The following NFATC2 variants were observed in gnomAD, a reference collection of about 807,000 sequenced individuals.
NFATC2 encodes nuclear factor of activated T cells 2.
A neutral mutation model predicts 87.3 loss-of-function variants in NFATC2; 22 were observed. The observed-to-expected ratio is 0.25, with a 90% CI of 0.18 to 0.36. The LOEUF (loss-of-function observed/expected upper bound fraction) is 0.36. Among genes scored for constraint, NFATC2 ranks in the 10% least tolerant of loss-of-function variants. The probability of loss-of-function intolerance (pLI) is 1.00; values close to 1 mark genes in which losing one functional copy is unlikely to be tolerated. For missense variants in NFATC2, 1,149 were observed against 1,259.1 expected, an observed-to-expected ratio of 0.91 and a Z score of 1.32; for synonymous variants, 565 against 542.2, an observed-to-expected ratio of 1.04 and a Z score of -0.58.
chr20:51,517,413 A>G (rs2076369470), intron 2 of NFATC2, among the ~76,000 whole-genome samples: 1 of 151,890 alleles, frequency 6.6e-6, no homozygotes, highest in African/African-American at 2.4e-5. Context: ...ACACGGAGAG[A>G]CCCTGTCTCT....
chr20:51,398,293 T>C (rs1555866085), intron 10 of NFATC2, among the ~76,000 whole-genome samples: 1 of 152,060 alleles, frequency 6.6e-6, no homozygotes, highest in Non-Finnish European at 1.5e-5. Flanking sequence ...CCACCACGGA[T>C]GGAGAGCCTC....
intron 9 of NFATC2, among the ~76,000 whole-genome samples, chr20:51,406,080 A>G (rs1303248439): frequency 6.6e-6 from 1 of 152,114 alleles, no homozygotes; most frequent in African/African-American, 2.4e-5. Context: ...CCCAGCCTAC[A>G]TATATATGTT....
intron 6 of NFATC2, among the ~76,000 whole-genome samples, chr20:51,435,989 C>T (rs1983507119): frequency 6.6e-6 from 1 of 152,086 alleles, no homozygotes; most frequent in East Asian, 1.9e-4. Flanking sequence ...TTGTCCTAAG[C>T]AAATTAAGGC....
At position 51,435,295 on chromosome 20, in the gene NFATC2, A is replaced by G; in HGVS notation, c.1925T>C (p.Ile642Thr). 1 of 1,614,164 alleles carries G rather than the reference A, an allele frequency of 6.2e-7. No individual in the cohort carries two copies. Among genetic ancestry groups the G allele is most frequent in the Non-Finnish European group, 8.5e-7 (1 of 1,180,022 alleles). The change falls in exon 8 of 11, where the codon ATC becomes ACC. Residue 642 changes from isoleucine to threonine, a missense_variant. Physicochemically the swap from Ile to Thr is moderately conservative, Grantham distance 89. This residue lies in a region of NFATC2 where 581 missense variants were observed against 649.7 expected (regional missense o/e 0.89). Coordinates refer to ENST00000371564, the MANE Select transcript of NFATC2 (RefSeq NM_012340.5). ...GATATGCTTGTTCCGATATTCAGGG[A>G]TCTCAACAAAAAGCATGTTCTATAA... ...KSQPNMLFVE[I>T]PEYRNKHIRT...
intron 3 of NFATC2, among the ~76,000 whole-genome samples, chr20:51,477,533 G>GTGTGTATATATATATATATA: frequency 1.5e-5 from 1 of 68,546 alleles, no homozygotes; most frequent in South Asian, 5.1e-4. Flanking sequence ...GTGTGTGTGT[G>GTGTGTATATATATATATATA]TCTATATATA....
At chr20:51,451,096 G>C (rs896554786) in intron 6 of NFATC2, among the ~76,000 whole-genome samples, 6 of 152,188 alleles carry the variant, frequency 3.9e-5, no homozygotes, top group Non-Finnish European at 5.9e-5. Flanking sequence ...AGTGTAAATA[G>C]AAACCACTCA....
upstream of NFATC2, among the ~76,000 whole-genome samples, chr20:51,544,283 G>A (rs1359268364): frequency 2.0e-5 from 3 of 152,088 alleles, no homozygotes; most frequent in African/African-American, 4.8e-5. Context: ...CACCACGCCC[G>A]GCCTGAAAAT....
At chr20:51,419,576 A>G (rs185097558) in intron 9 of NFATC2, among the ~76,000 whole-genome samples, 1 of 152,306 alleles carries the variant, frequency 6.6e-6, no homozygotes, top group Admixed American at 6.5e-5. Context: ...CTGTGCTGTT[A>G]CAAGAGGAAG....
At chr20:51,466,362 C>T (rs541790677) in intron 5 of NFATC2, among the ~76,000 whole-genome samples, 122 of 152,164 alleles carry the variant, frequency 8.0e-4, no homozygotes, top group African/African-American at 2.8e-3. Flanking sequence ...CCGGGCCTCC[C>T]TCCCTAATTC....
At chr20:51,451,604 G>A (rs1199803421) in intron 6 of NFATC2, among the ~76,000 whole-genome samples, 1 of 152,224 alleles carries the variant, frequency 6.6e-6, no homozygotes, top group African/African-American at 2.4e-5. Context: ...CCGGTACTAG[G>A]CGCACAGCAG....
At chr20:51,555,141 T>C (rs2076966502) in intron 1 of NFATC2, among the ~76,000 whole-genome samples, 1 of 152,180 alleles carries the variant, frequency 6.6e-6, no homozygotes, top group Non-Finnish European at 1.5e-5. Context: ...AGCCTCCTGT[T>C]TGCCTGCCTA....
chr20:51,527,993 A>G (rs529316341), intron 1 of NFATC2, among the ~76,000 whole-genome samples: 2 of 151,194 alleles, frequency 1.3e-5, no homozygotes, highest in South Asian at 2.1e-4. Flanking sequence ...AGTCCCAGCC[A>G]CTGGAGAAGC....
intron 5 of NFATC2, among the ~76,000 whole-genome samples, chr20:51,464,872 A>G (rs228847): frequency 0.84 from 128,209 of 152,252 alleles, 54,084 homozygotes; most frequent in East Asian, 0.96. Flanking sequence ...CTGGATGGCC[A>G]CAGGCAAGCT....
intron 1 of NFATC2, among the ~76,000 whole-genome samples, chr20:51,551,907 G>A (rs1304743340): frequency 6.6e-6 from 1 of 151,840 alleles, no homozygotes; most frequent in Non-Finnish European, 1.5e-5. Context: ...GGTGCCTGTA[G>A]TCCCAGCTAC....
At chr20:51,448,096 C>T (rs528899430) in intron 6 of NFATC2, among the ~76,000 whole-genome samples, 105 of 152,164 alleles carry the variant, frequency 6.9e-4, no homozygotes, top group Non-Finnish European at 1.1e-3. Flanking sequence ...CAGCAGCAAA[C>T]GCTGAGACTC....
At chr20:51,405,433 T>TC (rs780795607) in intron 9 of NFATC2, among the ~76,000 whole-genome samples, 11 of 57,758 alleles carry the variant, frequency 1.9e-4, no homozygotes, top group Non-Finnish European at 4.1e-4. Flanking sequence ...ACCTCACACG[T>TC]GTCATCTCAC....
At chr20:51,510,431 T>C (rs1248219472) in intron 3 of NFATC2, among the ~76,000 whole-genome samples, 1 of 152,222 alleles carries the variant, frequency 6.6e-6, no homozygotes, top group Admixed American at 6.5e-5. Flanking sequence ...CTGCATCCTG[T>C]CCTGAAACAG....
At chr20:51,442,917 C>T (rs557470735) in intron 6 of NFATC2, among the ~76,000 whole-genome samples, 9 of 152,104 alleles carry the variant, frequency 5.9e-5, no homozygotes, top group South Asian at 2.1e-4. Flanking sequence ...GAGGCAGGGC[C>T]GAACATTCCA....
At chr20:51,533,302 A>T (rs1471448951) in intron 1 of NFATC2, among the ~76,000 whole-genome samples, 3 of 152,234 alleles carry the variant, frequency 2.0e-5, no homozygotes, top group Admixed American at 2.0e-4. Flanking sequence ...GGTTGCCTCC[A>T]AATAACAAAT....
Sources: gnomAD v4.1 joint callset for allele counts (sites outside exome capture counted in the v4.1 genomes callset) on GRCh38, gnomAD v4.1.1 for gene constraint, gnomAD v4.1.1 regional missense constraint, MANE v1.5 for transcripts, NCBI Gene and HGNC (gene_info 2026-07-23, HGNC 2026-07-21) for gene names.